The following DGKB variants were observed in gnomAD, a reference collection of about 807,000 sequenced individuals.
The protein encoded by DGKB is 90 kDa diacylglycerol kinase.
DGKB carries 67 observed loss-of-function variants against 114.3 expected under a neutral mutation model. That is an observed-to-expected ratio of 0.59 (90% confidence interval 0.48 to 0.72). DGKB has a LOEUF of 0.72. Ranked by LOEUF, DGKB falls within the 30% of genes least tolerant of loss-of-function variation. The pLI, the probability that DGKB is intolerant of heterozygous loss-of-function variation, is 0.00. For missense variants in DGKB, 907 were observed against 975.2 expected (o/e 0.93, Z 0.93); for synonymous variants, 398 against 323.1 (o/e 1.23, Z -2.49).
intron 13 of DGKB, among the ~76,000 whole-genome samples, chr7:14,664,123 C>A (rs1817626847): frequency 6.6e-6 from 1 of 152,018 alleles, no homozygotes; most frequent in African/African-American, 2.4e-5. Context: ...TCCAATAAGT[C>A]ATTCTCAGAG....
chr7:14,587,207 G>T (rs1207738919), intron 17 of DGKB, among the ~76,000 whole-genome samples: 1 of 152,062 alleles, frequency 6.6e-6, no homozygotes, highest in African/African-American at 2.4e-5. Flanking sequence ...AGAAGTTGAT[G>T]CCAAGTCTCA....
At chr7:14,882,004 A>T (rs1260364629) in intron 1 of DGKB, among the ~76,000 whole-genome samples, 2 of 152,060 alleles carry the variant, frequency 1.3e-5, no homozygotes, top group Non-Finnish European at 2.9e-5. Flanking sequence ...CTAAGGAATG[A>T]GCCAAATAAC....
intron 1 of DGKB, among the ~76,000 whole-genome samples, chr7:14,910,806 C>T (rs6968135): frequency 0.13 from 20,524 of 152,100 alleles, 1,476 homozygotes; most frequent in Admixed American, 0.19. Context: ...AATTTGAATG[C>T]TGAGGGCAAT....
chr7:14,846,642 C>T (rs1273497754), intron 1 of DGKB, among the ~76,000 whole-genome samples: 1 of 152,188 alleles, frequency 6.6e-6, no homozygotes, highest in Admixed American at 6.5e-5. Context: ...TTTCTTTAGG[C>T]ACATAAAATG....
chr7:14,553,701 G>A (rs900591619), intron 20 of DGKB, among the ~76,000 whole-genome samples: 6 of 152,060 alleles, frequency 3.9e-5, no homozygotes, highest in African/African-American at 7.2e-5. Flanking sequence ...ATAATGCTAT[G>A]AAACTTTAAA....
chr7:14,367,294 T>G (rs1816838094), intron 21 of DGKB, among the ~76,000 whole-genome samples: 1 of 152,082 alleles, frequency 6.6e-6, no homozygotes, highest in African/African-American at 2.4e-5. Flanking sequence ...CTCCCGTAAT[T>G]CCCATGTGTG....
At chr7:14,586,947 ATGT>A (rs1800874364) in intron 17 of DGKB, among the ~76,000 whole-genome samples, 1 of 152,138 alleles carries the variant, frequency 6.6e-6, no homozygotes, top group South Asian at 2.1e-4. Flanking sequence ...AGAAAGATGA[ATGT>A]TGTTTTCATG....
chr7:14,581,587 C>T (rs937148309), intron 18 of DGKB, among the ~76,000 whole-genome samples: 3 of 152,102 alleles, frequency 2.0e-5, no homozygotes, highest in African/African-American at 4.8e-5. Context: ...AGATCTCTGC[C>T]GCTGACATCC....
intron 23 of DGKB, among the ~76,000 whole-genome samples, chr7:14,203,315 G>GAACA (rs1435576079): frequency 5.9e-5 from 9 of 151,760 alleles, no homozygotes; most frequent in Non-Finnish European, 1.3e-4. Context: ...TTGGGTTGAG[G>GAACA]AACAAACAAT....
chr7:14,190,440 T>C (rs557275217), intron 23 of DGKB, among the ~76,000 whole-genome samples: 2 of 152,060 alleles, frequency 1.3e-5, no homozygotes, highest in Non-Finnish European at 2.9e-5. Context: ...CAAAAGAAGA[T>C]TTCTATGAAA....
intron 23 of DGKB, among the ~76,000 whole-genome samples, chr7:14,332,930 A>C (rs963486357): frequency 3.9e-5 from 6 of 152,114 alleles, no homozygotes; most frequent in African/African-American, 1.4e-4. Context: ...GTCACCTATT[A>C]ATGAGGTTTC....
Position 14,673,116 on chromosome 7 carries a change from C to T in DGKB, c.1036-89G>A, listed in dbSNP as rs929137172. ...TATATTTCAATCGAGATACAGCAAA[C>T]ACATTAAAAGTACAATAAAGAAATT... On this transcript the variant is annotated intron_variant, in intron 12 of 25. Coordinates refer to ENST00000402815, the MANE Select transcript of DGKB (RefSeq NM_001350709.2). 3 of 713,118 alleles carry T rather than the reference C, an allele frequency of 4.2e-6. No homozygotes were observed. The African/African-American group carries it at 5.3e-5, about 13-fold the overall frequency. 44.2% of individuals were successfully genotyped at this position (713,118 alleles called of 1,614,324 possible).
intron 1 of DGKB, among the ~76,000 whole-genome samples, chr7:14,966,666 G>C (rs1787168910): frequency 6.6e-6 from 1 of 152,036 alleles, no homozygotes; most frequent in African/African-American, 2.4e-5. Context: ...CATTAGAACA[G>C]ACTGACCAGA....
At chr7:14,967,335 A>AT (rs1787213180) in intron 1 of DGKB, among the ~76,000 whole-genome samples, 1 of 111,764 alleles carries the variant, frequency 8.9e-6, no homozygotes, top group Admixed American at 8.9e-5. Flanking sequence ...TTTTATTTTT[A>AT]TTTTTTTGAG....
intron 20 of DGKB, among the ~76,000 whole-genome samples, chr7:14,522,098 A>G (rs1332895560): frequency 6.6e-6 from 1 of 152,102 alleles, no homozygotes; most frequent in Non-Finnish European, 1.5e-5. Context: ...TCACCCAAAG[A>G]TTGGTCAGAG....
At chr7:14,510,328 G>C (rs79064780) in intron 20 of DGKB, among the ~76,000 whole-genome samples, 1 of 152,090 alleles carries the variant, frequency 6.6e-6, no homozygotes, top group African/African-American at 2.4e-5. Context: ...CTAAGTTTTC[G>C]TAATAGTCTA....
chr7:14,158,453 A>C (rs759424934), intron 25 of DGKB, among the ~76,000 whole-genome samples: 3 of 152,200 alleles, frequency 2.0e-5, no homozygotes, highest in Non-Finnish European at 4.4e-5. Context: ...TTGTTTGTTT[A>C]ATCAAGGGAG....
chr7:14,579,634 T>G (rs1367091181), intron 19 of DGKB, among the ~76,000 whole-genome samples: 1 of 152,134 alleles, frequency 6.6e-6, no homozygotes, highest in African/African-American at 2.4e-5. Flanking sequence ...ATGAAAATAC[T>G]CCTGAAGTAT....
At chr7:14,196,080 C>G (rs981259682) in intron 23 of DGKB, among the ~76,000 whole-genome samples, 1 of 152,024 alleles carries the variant, frequency 6.6e-6, no homozygotes, top group African/African-American at 2.4e-5. Context: ...GCCAGAGAAC[C>G]CTTGAAACCC....
Sources: gnomAD v4.1 joint callset for allele counts (sites outside exome capture counted in the v4.1 genomes callset) on GRCh38, gnomAD v4.1.1 for gene constraint, MANE v1.5 for transcripts, NCBI Gene and HGNC (gene_info 2026-07-23, HGNC 2026-07-21) for gene names.